SCN10A: variants seen among roughly 807,000 people sequenced by gnomAD.
The protein encoded by SCN10A is sodium voltage-gated channel alpha subunit 10, also known as sodium channel protein type 10 subunit alpha.
In SCN10A, 162 loss-of-function variants were observed where a neutral mutation model predicts 170.7. That is an observed-to-expected ratio of 0.95 (90% CI 0.84 to 1.08). The LOEUF is 1.08. Ranked by LOEUF, SCN10A falls within the 50% of genes least tolerant of loss-of-function variation. The pLI, the probability that SCN10A is intolerant of heterozygous loss-of-function variation, is 0.00. For missense variants in SCN10A, 2,527 were observed against 2,436.9 expected, an observed-to-expected ratio of 1.04 and a Z score of -0.78; for synonymous variants, 985 against 904.6, an observed-to-expected ratio of 1.09 and a Z score of -1.59.
Position 38,697,908 on chromosome 3 carries a change from AGAGT to A in SCN10A, c.5308_5311del (p.Thr1770SerfsTer5). The A allele has an allele frequency of 6.2e-7, 1 of 1,614,100 alleles. No homozygotes were observed. The highest frequency in any genetic ancestry group is 8.5e-7 in the Non-Finnish European group (1 of 1,180,036). On this transcript the variant is annotated frameshift_variant, in exon 28 of 28. Coordinates refer to ENST00000449082, the MANE Select transcript of SCN10A (RefSeq NM_006514.4). LOFTEE classifies it high-confidence loss of function. ...TTTTGGGATTCTCAGGGGACCAGAGAGAGTGTCTGCAAAGTCCGAGAGAGCAGAA... is the reference window on the plus strand; with the variant it reads ...TTTTGGGATTCTCAGGGGACCAGAGAGTCTGCAAAGTCCGAGAGAGCAGAA...
chr3:38,761,138 A>G (rs1019299955), intron 7 of SCN10A, 54 bp downstream of exon 7: 9 of 1,383,380 alleles, frequency 6.5e-6, no homozygotes, highest in Non-Finnish European at 7.0e-6. Flanking sequence ...CTGTCCCTAT[A>G]TGATACCAAG....
At position 38,723,518 on chromosome 3, in the gene SCN10A, C is replaced by A; in HGVS notation, c.3264G>T (p.Thr1088=). 1 of 1,610,322 alleles carries A rather than the reference C, an allele frequency of 6.2e-7. No homozygotes were observed. Among genetic ancestry groups the A allele is most frequent in the Non-Finnish European group, 8.5e-7 (1 of 1,178,084 alleles). ...VDDTSSSEGS[T]VDCLDPEEIL... Reference sequence around the variant, plus strand: ...TTTCCTCAGGATCTAGGCAGTCCACCGTGCTGCCCTCAGAGGAGCTTGTGT... The same window carrying A: ...TTTCCTCAGGATCTAGGCAGTCCACAGTGCTGCCCTCAGAGGAGCTTGTGT... The change falls in exon 19 of 28, where the codon ACG becomes ACT. Residue 1088 remains threonine (T), a synonymous_variant. Coordinates refer to ENST00000449082, the MANE Select transcript of SCN10A (RefSeq NM_006514.4).
At chr3:38,749,864 C>T (rs376542161) in intron 13 of SCN10A, among the ~76,000 whole-genome samples, 3 of 152,276 alleles carry the variant, frequency 2.0e-5, no homozygotes, top group African/African-American at 4.8e-5. Flanking sequence ...ATATTTTATT[C>T]ATCAAATTAT....
rs115174567 is a variant in SCN10A, at chr3:38,779,254, G to T, written c.471-7847C>A. Reference sequence around the variant, plus strand: ...GTTAAATAAACTTCACTTCATCCATGCAAATGAAATCTGTTCAGCTAATTT... The same window carrying T: ...GTTAAATAAACTTCACTTCATCCATTCAAATGAAATCTGTTCAGCTAATTT... On this transcript the variant is annotated intron_variant, in intron 4 of 27. Coordinates refer to ENST00000449082, the MANE Select transcript of SCN10A (RefSeq NM_006514.4). Among the ~76,000 whole-genome samples the T allele has an allele frequency of 4.8e-3, 727 of 152,148 alleles. 8 individuals are homozygous for T. The highest frequency in any genetic ancestry group is 0.017 in the African/African-American group (695 of 41,544).
At chr3:38,798,638 G>A (rs1032432248) in intron 1 of SCN10A, among the ~76,000 whole-genome samples, 3 of 152,040 alleles carry the variant, frequency 2.0e-5, no homozygotes, top group East Asian at 1.9e-4. Context: ...CTCCAAGCTC[G>A]GCCCTGGCTT....
rs910678839 is a variant in SCN10A at position 38,739,593 on chromosome 3, G to C, written c.2202C>G (p.Cys734Trp). The change falls in exon 15 of 28, where the codon TGC (cysteine) becomes TGG (tryptophan). Residue 734 changes from cysteine (C) to tryptophan (W), a missense_variant. Physicochemically the swap from Cys to Trp is radical, Grantham distance 215. Transcript: ENST00000449082. Reference sequence around the variant, plus strand: ...CTAGCAGACTCACAGTGACGATGATGCAGTCAAAGATATTCCACTTCTTCT... The same window carrying C: ...CTAGCAGACTCACAGTGACGATGATCCAGTCAAAGATATTCCACTTCTTCT... Reference protein sequence around the residue: ...YFQKKWNIFDCIIVTVSLLEL... With the variant: ...YFQKKWNIFDWIIVTVSLLEL... 24 of 1,613,938 alleles carry C rather than the reference G, an allele frequency of 1.5e-5. No homozygotes were observed. The African/African-American group carries it at 2.9e-4, about 20-fold the overall frequency.
At chr3:38,778,920 T>C (rs2064106137) in intron 4 of SCN10A, among the ~76,000 whole-genome samples, 1 of 152,098 alleles carries the variant, frequency 6.6e-6, no homozygotes. Flanking sequence ...ATACTTTTCA[T>C]AGTGTGCATA....
In SCN10A at chr3:38,698,454, G is replaced by T. The variant is rs753004431; in HGVS notation, c.4766C>A (p.Ala1589Glu). 5 of 1,614,192 alleles carry T rather than the reference G, an allele frequency of 3.1e-6. No homozygotes were observed. The highest frequency in any genetic ancestry group is 1.6e-4 in the Middle Eastern group (1 of 6,062). ...RIGRILRLIR[A>E]AKGIRTLLFA... ...GAGCAGTGTGCGGATCCCCTTGGCCGCTCGGATCAGTCTGAGGATGCGGCC... is the reference window on the plus strand; with the variant it reads ...GAGCAGTGTGCGGATCCCCTTGGCCTCTCGGATCAGTCTGAGGATGCGGCC... The change falls in exon 28 of 28, where the codon GCG becomes GAG. Residue 1589 changes from alanine (A) to glutamate (E), a missense_variant. Ala to Glu is a moderately radical substitution (Grantham distance 107). Coordinates refer to ENST00000449082, the MANE Select transcript of SCN10A (RefSeq NM_006514.4).
At chr3:38,706,294 C>G (rs2063210596) in intron 26 of SCN10A, among the ~76,000 whole-genome samples, 1 of 152,206 alleles carries the variant, frequency 6.6e-6, no homozygotes, top group Non-Finnish European at 1.5e-5. Context: ...ATGCATGTCT[C>G]CATAATTCAT....
chr3:38,713,687 GAGA>G (rs1304218636), intron 22 of SCN10A, among the ~76,000 whole-genome samples: 1 of 152,120 alleles, frequency 6.6e-6, no homozygotes, highest in Non-Finnish European at 1.5e-5. Context: ...CTGCAGACCA[GAGA>G]AGTTTTTTGT....
At chr3:38,703,534 A>G (rs113004353) in intron 26 of SCN10A, among the ~76,000 whole-genome samples, 105 of 152,328 alleles carry the variant, frequency 6.9e-4, no homozygotes, top group African/African-American at 2.5e-3. Context: ...TGTTCTCACT[A>G]AGATCATGAA....
chr3:38,810,963 C>T (rs764951344), intron 1 of SCN10A, among the ~76,000 whole-genome samples: 1 of 152,154 alleles, frequency 6.6e-6, no homozygotes, highest in Non-Finnish European at 1.5e-5. Context: ...CATCTTTTCT[C>T]CAACAGAGCA....
intron 4 of SCN10A, among the ~76,000 whole-genome samples, chr3:38,779,070 C>G (rs775055950): frequency 1.4e-4 from 19 of 139,180 alleles, no homozygotes; most frequent in Non-Finnish European, 2.5e-4. Flanking sequence ...CCCCTTTGAC[C>G]TGGCAATTCT....
At chr3:38,712,473 A>C in intron 22 of SCN10A, 28 bp from the exon 23 acceptor site, 2 of 1,607,394 alleles carry the variant, frequency 1.2e-6, no homozygotes, top group South Asian at 2.2e-5. Flanking sequence ...AAGACCTGGA[A>C]CCTCCCAATG....
At chr3:38,742,869 C>T (rs556327353) in intron 13 of SCN10A, among the ~76,000 whole-genome samples, 4 of 152,260 alleles carry the variant, frequency 2.6e-5, no homozygotes, top group African/African-American at 4.8e-5. Flanking sequence ...TTCCTTTGCC[C>T]CTCTCCTCCT....
chr3:38,759,438 T>G (rs532426034), intron 8 of SCN10A, among the ~76,000 whole-genome samples: 2 of 152,162 alleles, frequency 1.3e-5, no homozygotes, highest in Non-Finnish European at 2.9e-5. Context: ...CCTTGAAAGC[T>G]CACCTCAAAC....
At position 38,761,322 on chromosome 3, in the gene SCN10A, G is replaced by A. The variant is rs747296872; in HGVS notation, c.753C>T (p.Ile251=). Residue 251 remains isoleucine, a synonymous_variant, in exon 7 of 28, where the codon ATC becomes ATT. Transcript: ENST00000449082. ...AAACACTTAGGCAGAAGATGGTGAG[G>A]ATGGTCACATCAGCCAGTTTCTTCA... is the stretch of plus-strand genomic sequence containing the variant. ...HSVKKLADVT[I]LTIFCLSVFA... is the part of the protein sequence containing the mutation. 1 of 1,613,884 alleles carries A rather than the reference G, an allele frequency of 6.2e-7. No individual in the cohort carries two copies. The highest frequency in any genetic ancestry group is 8.5e-7 in the Non-Finnish European group (1 of 1,179,862).
intron 3 of SCN10A, among the ~76,000 whole-genome samples, chr3:38,790,605 C>T (rs1490921877): frequency 6.6e-6 from 1 of 151,580 alleles, no homozygotes; most frequent in Admixed American, 6.6e-5. Context: ...GAAAAAGCAA[C>T]AACTACCCAA....
At chr3:38,711,654 A>G (rs1482315033) in intron 23 of SCN10A, among the ~76,000 whole-genome samples, 2 of 152,244 alleles carry the variant, frequency 1.3e-5, no homozygotes, top group Non-Finnish European at 2.9e-5. Flanking sequence ...AATTGTATTA[A>G]CACTTGAATG....
Sources: allele counts gnomAD v4.1 joint callset (sites outside exome capture counted in the v4.1 genomes callset), GRCh38; gene constraint gnomAD v4.1.1; transcripts MANE v1.5; gene names NCBI Gene and HGNC (gene_info 2026-07-23, HGNC 2026-07-21).